The following PLXNA4 variants were observed in gnomAD, a reference collection of about 807,000 sequenced individuals.
The protein encoded by PLXNA4 is plexin-A4.
A neutral mutation model predicts 191.8 loss-of-function variants in PLXNA4; 44 were observed. That is an observed-to-expected ratio of 0.23 (90% CI 0.18 to 0.29). PLXNA4 has a LOEUF of 0.29. Among genes scored for constraint, PLXNA4 ranks in the 10% least tolerant of loss-of-function variants. PLXNA4 has a pLI of 1.00. For missense variants in PLXNA4, 1,800 were observed against 2,488.8 expected (o/e 0.72, Z 5.89); for synonymous variants, 1,082 against 1,009.5 (o/e 1.07, Z -1.36).
intron 14 of PLXNA4, among the ~76,000 whole-genome samples, chr7:132,193,313 G>A (rs1294528191): frequency 6.6e-6 from 1 of 152,228 alleles, no homozygotes; most frequent in African/African-American, 2.4e-5. Context: ...AGGTGACGCA[G>A]CAAGAAGGCA....
Position 132,507,578 on chromosome 7 carries a change from C to A in PLXNA4, c.1116G>T (p.Gln372His), listed in dbSNP as rs755660824. Reference protein sequence around the residue: ...QINDRIKERLQSCYRGEGTLD... With the variant: ...QINDRIKERLHSCYRGEGTLD... ...GCGTGCCCTCGCCCCGGTAACAAGA[C>A]TGCAGCCGCTCCTTAATGCGGTCAT... The change falls in exon 2 of 32, where the codon CAG (glutamine) becomes CAT (histidine). Residue 372 changes from glutamine (Q) to histidine (H), a missense_variant. Around this residue, in one of 6 missense-constraint regions of PLXNA4, gnomAD observed 1,397 missense variants for 1,880.4 expected, o/e 0.74. Coordinates refer to ENST00000321063, the MANE Select transcript of PLXNA4 (RefSeq NM_020911.2). The A allele has an allele frequency of 6.2e-7, 1 of 1,614,166 alleles. No homozygotes were observed. The highest frequency in any genetic ancestry group is 8.5e-7 in the Non-Finnish European group (1 of 1,180,044).
intron 3 of PLXNA4, among the ~76,000 whole-genome samples, chr7:132,480,753 C>T (rs1472918603): frequency 1.3e-5 from 2 of 152,228 alleles, no homozygotes; most frequent in Non-Finnish European, 2.9e-5. Flanking sequence ...CCTGTGGCCA[C>T]CTCCCACTCG....
intron 25 of PLXNA4, among the ~76,000 whole-genome samples, chr7:132,151,318 AGG>A (rs1562884925): frequency 3.0e-3 from 233 of 78,414 alleles, no homozygotes; most frequent in Non-Finnish European, 6.2e-3. Flanking sequence ...AAGAAGGAGG[AGG>A]AGGAGGAAGA....
chr7:132,291,774 A>T (rs1262931117), intron 4 of PLXNA4, among the ~76,000 whole-genome samples: 1 of 152,170 alleles, frequency 6.6e-6, no homozygotes, highest in Non-Finnish European at 1.5e-5. Context: ...AATGAGGAAC[A>T]CTGGAACCCA....
At chr7:132,235,622 A>G (rs1043938467) in intron 5 of PLXNA4, among the ~76,000 whole-genome samples, 7 of 152,196 alleles carry the variant, frequency 4.6e-5, no homozygotes, top group African/African-American at 1.7e-4. Context: ...CTTGGGTTAC[A>G]TGAGCCTCCC....
chr7:132,324,806 G>C (rs1172293556), intron 3 of PLXNA4, among the ~76,000 whole-genome samples: 1 of 152,200 alleles, frequency 6.6e-6, no homozygotes, highest in Non-Finnish European at 1.5e-5. Context: ...CTGCAGAAAG[G>C]TAGGGACATC....
chr7:132,520,745 C>T, intron 1 of PLXNA4, among the ~76,000 whole-genome samples: 1 of 152,170 alleles, frequency 6.6e-6, no homozygotes, highest in East Asian at 1.9e-4. Flanking sequence ...CCCTCCACTC[C>T]TAAAAGCCTG....
chr7:132,545,050 A>G (rs903762969), intron 1 of PLXNA4, among the ~76,000 whole-genome samples: 1 of 152,200 alleles, frequency 6.6e-6, no homozygotes, highest in Admixed American at 6.5e-5. Context: ...TAAGATCTGC[A>G]AAAAGCAAAT....
At chr7:132,498,611 T>C (rs1798125310) in intron 2 of PLXNA4, among the ~76,000 whole-genome samples, 1 of 151,598 alleles carries the variant, frequency 6.6e-6, no homozygotes, top group Non-Finnish European at 1.5e-5. Context: ...ACCATGAGAG[T>C]ATGCATGGGA....
chr7:132,310,128 C>A (rs78590268), intron 3 of PLXNA4, among the ~76,000 whole-genome samples: 259 of 152,318 alleles, frequency 1.7e-3, no homozygotes, highest in African/African-American at 6.1e-3. Context: ...GATGTCGTAA[C>A]CTCAGGCAGG....
chr7:132,151,527 GAA>G (rs1795636575), intron 25 of PLXNA4, among the ~76,000 whole-genome samples: 4 of 77,874 alleles, frequency 5.1e-5, no homozygotes, highest in Non-Finnish European at 9.4e-5. Flanking sequence ...AGGAGGAGGA[GAA>G]AGGAGGAGGA....
intron 3 of PLXNA4, among the ~76,000 whole-genome samples, chr7:132,420,606 A>T (rs928360762): frequency 2.0e-5 from 3 of 152,276 alleles, no homozygotes; most frequent in Admixed American, 2.0e-4. Flanking sequence ...CATTTTAACA[A>T]TTTTTTTAAG....
chr7:132,160,371 T>C (rs1795914141), intron 24 of PLXNA4, among the ~76,000 whole-genome samples: 1 of 152,256 alleles, frequency 6.6e-6, no homozygotes, highest in East Asian at 1.9e-4. Flanking sequence ...TTTCTCCTTT[T>C]GGAACTAGTA....
At chr7:132,529,557 G>T (rs1488192053) in intron 1 of PLXNA4, among the ~76,000 whole-genome samples, 22 of 151,898 alleles carry the variant, frequency 1.4e-4, no homozygotes, top group Admixed American at 1.4e-3. Flanking sequence ...CTGGTCTAAA[G>T]GGTCTAGGGC....
chr7:132,151,670 T>C (rs1287560611), intron 25 of PLXNA4, among the ~76,000 whole-genome samples: 1 of 151,834 alleles, frequency 6.6e-6, no homozygotes, highest in Non-Finnish European at 1.5e-5. Context: ...AAGTAGTAGT[T>C]GAAATTGTTG....
chr7:132,198,787 A>T (rs1490980599), intron 12 of PLXNA4, 151 bp from the exon 13 acceptor site: 13 of 1,195,418 alleles, frequency 1.1e-5, no homozygotes, highest in Non-Finnish European at 1.4e-5. Flanking sequence ...GCCTGCGGTA[A>T]TCAATGGGTA....
intron 1 of PLXNA4, among the ~76,000 whole-genome samples, chr7:132,558,550 G>A (rs947420830): frequency 2.6e-5 from 4 of 152,128 alleles, no homozygotes; most frequent in African/African-American, 7.2e-5. Context: ...AGAAGGCTTC[G>A]GTCTTGCTAG....
intron 3 of PLXNA4, among the ~76,000 whole-genome samples, chr7:132,302,976 A>G (rs551867582): frequency 6.6e-6 from 1 of 152,208 alleles, no homozygotes; most frequent in Non-Finnish European, 1.5e-5. Flanking sequence ...TCCTGGGTTC[A>G]AGCGATTCTC....
intron 25 of PLXNA4, among the ~76,000 whole-genome samples, chr7:132,159,104 G>A (rs1387826590): frequency 5.9e-5 from 9 of 152,154 alleles, no homozygotes; most frequent in South Asian, 2.1e-4. Flanking sequence ...ACCTTGGGCC[G>A]CAGGAGCTCA....
Sources: allele counts gnomAD v4.1 joint callset (sites outside exome capture counted in the v4.1 genomes callset), GRCh38; gene constraint gnomAD v4.1.1; regional missense constraint gnomAD v4.1.1; transcripts MANE v1.5; gene names NCBI Gene and HGNC (gene_info 2026-07-23, HGNC 2026-07-21).